The following ASZ1 variants were observed in gnomAD, a reference collection of about 807,000 sequenced individuals.
ASZ1 encodes ankyrin repeat, SAM and basic leucine zipper domain-containing protein 1.
Under a neutral mutation model 61.8 loss-of-function variants are expected in ASZ1, and 67 were observed. The ratio of observed to expected loss-of-function variants is 1.08; its 90% CI spans 0.89 to 1.33. The LOEUF is 1.33. Ranked by LOEUF, ASZ1 falls within the 40% of genes most tolerant of loss-of-function variation. The pLI, the probability that ASZ1 is intolerant of heterozygous loss-of-function variation, is 0.00. For missense variants in ASZ1, 577 were observed against 554.5 expected, an observed-to-expected ratio of 1.04 and a Z score of -0.41; for synonymous variants, 193 against 192.7, an observed-to-expected ratio of 1.00 and a Z score of -0.01.
intron 4 of ASZ1, among the ~76,000 whole-genome samples, chr7:117,388,955 A>T (rs1179263019): frequency 2.6e-5 from 4 of 152,244 alleles, no homozygotes; most frequent in East Asian, 1.9e-4. Flanking sequence ...AGAAATATTT[A>T]AAAAATCAAT....
chr7:117,410,470 C>T (rs1796869074), intron 4 of ASZ1, among the ~76,000 whole-genome samples: 1 of 151,414 alleles, frequency 6.6e-6, no homozygotes, highest in Non-Finnish European at 1.5e-5. Context: ...GACTATTTTG[C>T]CATTATAATA....
At chr7:117,378,113 C>A (rs1366960545) in intron 10 of ASZ1, among the ~76,000 whole-genome samples, 2 of 151,954 alleles carry the variant, frequency 1.3e-5, no homozygotes, top group Non-Finnish European at 2.9e-5. Flanking sequence ...ATCTTTGAGA[C>A]CTAATTTCTT....
At chr7:117,411,337 G>C (rs922280848) in intron 4 of ASZ1, among the ~76,000 whole-genome samples, 5 of 151,720 alleles carry the variant, frequency 3.3e-5, no homozygotes, top group African/African-American at 1.2e-4. Flanking sequence ...ATTTTAAAAT[G>C]ATAATGGGGC....
Position 117,384,294 on chromosome 7 carries a change from G to A in ASZ1, c.687+432C>T, listed in dbSNP as rs1001395957. Reference sequence around the variant, plus strand: ...ATCGTAAGCCCTGTCACACATATAAGAGCAAATGTTGTTTAAGGAATTTAA... The same window carrying A: ...ATCGTAAGCCCTGTCACACATATAAAAGCAAATGTTGTTTAAGGAATTTAA... On this transcript the variant is annotated intron_variant, in intron 6 of 12. Coordinates refer to ENST00000284629, the MANE Select transcript of ASZ1 (RefSeq NM_130768.3). 3.3e-5 allele frequency among the ~76,000 whole-genome samples: 5 copies of A among 152,038 alleles called. No homozygotes were observed. The East Asian group carries it at 7.7e-4, about 23-fold the overall frequency.
At chr7:117,404,417 CTTT>C (rs57876175) in intron 4 of ASZ1, among the ~76,000 whole-genome samples, 2 of 130,560 alleles carry the variant, frequency 1.5e-5, no homozygotes, top group Non-Finnish European at 3.1e-5. Context: ...TGACTGTTTC[CTTT>C]TTTTTTTTTT....
rs1326170568 is a variant in ASZ1, at chr7:117,379,146, TATATATATATATATATATATATACACAC to T, written c.1055+764_1055+791del. ...AATGTGATAAAATTATATATATATA[TATATATATATATATATATATATACACAC>T]ACACACACACACACACACACAAATG... On this transcript the variant is annotated intron_variant, in intron 10 of 12. Coordinates refer to ENST00000284629, the MANE Select transcript of ASZ1 (RefSeq NM_130768.3). 8.1e-3 allele frequency among the ~76,000 whole-genome samples: 915 copies of T among 112,758 alleles called. 19 individuals carry two copies. Among genetic ancestry groups the T allele is most frequent in the African/African-American group, 0.029 (783 of 26,694 alleles). The allele number at this position is 112,758 out of a possible 152,430, so 74.0% of individuals were successfully genotyped here. A position where few individuals can be genotyped will look rare whatever the true frequency, so the allele number is the denominator to read the frequency against.
chr7:117,382,220 AAG>A (rs1796268448), intron 7 of ASZ1, 76 bp from the exon 8 acceptor site: 3 of 887,592 alleles, frequency 3.4e-6, no homozygotes, highest in Non-Finnish European at 5.5e-6. Flanking sequence ...TTTATATTGC[AAG>A]AGAATATGAA....
rs1435640153 is a variant in ASZ1 at position 117,379,164 on chromosome 7, TATATAC to T, written c.1055+768_1055+773del. 6.1e-3 allele frequency among the ~76,000 whole-genome samples: 362 copies of T among 59,410 alleles called. 2 individuals carry two copies. The highest frequency in any genetic ancestry group is 0.016 in the African/African-American group (177 of 10,906). The allele number at this position is 59,410 out of a possible 152,430, so 39.0% of individuals were successfully genotyped here. A position where few individuals can be genotyped will look rare whatever the true frequency, so the allele number is the denominator to read the frequency against. On this transcript the variant is annotated intron_variant, in intron 10 of 12. Coordinates refer to ENST00000284629, the MANE Select transcript of ASZ1 (RefSeq NM_130768.3). ...ATATATATATATATATATATATATATATATACACACACACACACACACACACACACA... is the reference window on the plus strand; with the variant it reads ...ATATATATATATATATATATATATATACACACACACACACACACACACACA...
intron 8 of ASZ1, 53 bp downstream of exon 8, chr7:117,382,016 A>G (rs1379840159): frequency 8.6e-7 from 1 of 1,156,468 alleles, no homozygotes. Context: ...CATTATATTA[A>G]CCAACAAATT....
In ASZ1 at chr7:117,426,889, T is replaced by A. The variant is rs775512689; in HGVS notation, c.152A>T (p.Lys51Met). 6.2e-7 allele frequency: 1 copy of A among 1,613,216 alleles called. No individual in the cohort carries two copies. The highest frequency in any genetic ancestry group is 1.1e-5 in the South Asian group (1 of 90,698). The change falls in exon 2 of 13, where the codon AAG becomes ATG. Residue 51 changes from lysine to methionine, a missense_variant. Physicochemically the swap from Lys to Met is moderately conservative, Grantham distance 95 (BLOSUM62 -1). Transcript: ENST00000284629. ...AACATCTCCGATGGTCATTGCTTTC[T>A]TAAATTTTTCTTTCTTTTCTTCAAT... ...LPIEEKKEKF[K>M]KAMTIGDVSL...
Position 117,385,684 on chromosome 7 carries a change from A to G in ASZ1, c.552+14T>C. ...AACAGAAACAAAAAGAAACATTGTA[A>G]AAATGTTTCTCACAGTGTAACCATT... is the stretch of plus-strand genomic sequence containing the variant. On this transcript the variant is annotated intron_variant, in intron 5 of 12. Coordinates refer to ENST00000284629, the MANE Select transcript of ASZ1 (RefSeq NM_130768.3). 1 of 1,554,116 alleles carries G rather than the reference A, an allele frequency of 6.4e-7. No homozygotes were observed. The highest frequency in any genetic ancestry group is 8.8e-7 in the Non-Finnish European group (1 of 1,131,026).
chr7:117,422,296 G>A lies in ASZ1; in HGVS notation c.269C>T (p.Ala90Val), dbSNP rs748786073. 2 of 1,613,548 alleles carry A rather than the reference G, an allele frequency of 1.2e-6. No homozygotes were observed. Among genetic ancestry groups the A allele is most frequent in the Non-Finnish European group, 1.7e-6 (2 of 1,179,714 alleles). Residue 90 changes from alanine (A) to valine (V), a missense_variant, in exon 3 of 13, where the codon GCC becomes GTC. Coordinates refer to ENST00000284629, the MANE Select transcript of ASZ1 (RefSeq NM_130768.3). ...AAGGACCCGAACCAGCTCTGCATTG[G>A]CAACACTAGCAGCATACATAAGGGG... ...WTPLMYAASV[A>V]NAELVRVLLD...
intron 4 of ASZ1, among the ~76,000 whole-genome samples, chr7:117,408,979 G>T (rs561592403): frequency 6.6e-6 from 1 of 152,158 alleles, no homozygotes; most frequent in South Asian, 2.1e-4. Context: ...TTGTAAATTA[G>T]ATCTCAGTAA....
chr7:117,415,508 T>C (rs1046811063), intron 4 of ASZ1, among the ~76,000 whole-genome samples: 1 of 152,314 alleles, frequency 6.6e-6, no homozygotes, highest in South Asian at 2.1e-4. Context: ...ACATAATTTT[T>C]ATTACAGTAT....
chr7:117,376,582 A>G (rs1796141126), intron 10 of ASZ1, among the ~76,000 whole-genome samples: 1 of 152,170 alleles, frequency 6.6e-6, no homozygotes, highest in Non-Finnish European at 1.5e-5. Context: ...ATGCATAAAA[A>G]GAATAATAAC....
chr7:117,422,901 C>T (rs1353322786), intron 2 of ASZ1, among the ~76,000 whole-genome samples: 2 of 152,118 alleles, frequency 1.3e-5, no homozygotes, highest in African/African-American at 4.8e-5. Flanking sequence ...GATCCAGGAA[C>T]TGACATCATT....
At chr7:117,365,529 C>T in intron 12 of ASZ1, among the ~76,000 whole-genome samples, 1 of 152,122 alleles carries the variant, frequency 6.6e-6, no homozygotes, top group East Asian at 1.9e-4. Context: ...CTTGGAGAAA[C>T]CAAATTAGTA....
At chr7:117,367,756 T>C in intron 11 of ASZ1, 1 of 961,338 alleles carries the variant, frequency 1.0e-6, no homozygotes, top group Middle Eastern at 4.9e-4. Context: ...TTAAAAATGA[T>C]GATTCTCATA....
chr7:117,377,149 G>A (rs1317482378), intron 10 of ASZ1, among the ~76,000 whole-genome samples: 1 of 152,134 alleles, frequency 6.6e-6, no homozygotes, highest in Non-Finnish European at 1.5e-5. Context: ...ATTGGCAATT[G>A]TGCCAAATAA....
Sources: gnomAD v4.1 joint callset for allele counts (sites outside exome capture counted in the v4.1 genomes callset) on GRCh38, gnomAD v4.1.1 for gene constraint, MANE v1.5 for transcripts, NCBI Gene and HGNC (gene_info 2026-07-23, HGNC 2026-07-21) for gene names.